TAFA1: variants seen among roughly 807,000 people sequenced by gnomAD.
TAFA1 encodes the protein chemokine-like protein TAFA-1.
Under a neutral mutation model 18.5 loss-of-function variants are expected in TAFA1, and 4 were observed. That is an observed-to-expected ratio of 0.22 (90% CI 0.11 to 0.49). The LOEUF is 0.49. TAFA1 is among the 20% of genes least tolerant of loss of function. TAFA1 has a pLI of 0.98. For synonymous variants in TAFA1, 56 were observed against 55.2 expected (o/e 1.01, Z -0.06); for missense variants, 147 against 169.0 (o/e 0.87, Z 0.72).
intron 2 of TAFA1, among the ~76,000 whole-genome samples, chr3:68,224,896 CTTTTTTTTTTTTTTTTTTT>C (rs71112624): frequency 2.2e-5 from 1 of 46,338 alleles, no homozygotes; most frequent in Admixed American, 3.6e-4. Context: ...GCTTGTGGCA[CTTTTTTTTTTTTTTTTTTT>C]TTTTTTTTTT....
intron 2 of TAFA1, among the ~76,000 whole-genome samples, chr3:68,022,074 CTATT>C (rs756569000): frequency 3.3e-5 from 5 of 152,074 alleles, no homozygotes; most frequent in East Asian, 1.9e-4. Context: ...TTTCATTAGT[CTATT>C]TATATTCAAT....
chr3:68,399,543 A>G (rs17047626), intron 2 of TAFA1, among the ~76,000 whole-genome samples: 6 of 152,000 alleles, frequency 3.9e-5, no homozygotes, highest in African/African-American at 9.7e-5. Flanking sequence ...CCCTTTCCCA[A>G]TTGCTCTCAG....
At chr3:68,159,467 T>G (rs1174608957) in intron 2 of TAFA1, among the ~76,000 whole-genome samples, 2 of 152,230 alleles carry the variant, frequency 1.3e-5, no homozygotes, top group African/African-American at 4.8e-5. Flanking sequence ...CTTTCTGTAA[T>G]TGAGTATCCC....
intron 2 of TAFA1, among the ~76,000 whole-genome samples, chr3:68,057,138 G>C (rs556149328): frequency 1.3e-5 from 2 of 152,300 alleles, no homozygotes; most frequent in South Asian, 4.1e-4. Flanking sequence ...TCCTGAACCT[G>C]AATCAATGTA....
chr3:68,001,355 G>C (rs946388215), upstream of TAFA1, among the ~76,000 whole-genome samples: 1 of 152,006 alleles, frequency 6.6e-6, no homozygotes, highest in Non-Finnish European at 1.5e-5. Context: ...CTACATGAAG[G>C]TTATCTTTTT....
intron 2 of TAFA1, among the ~76,000 whole-genome samples, chr3:68,162,222 C>A (rs1419757033): frequency 6.6e-6 from 1 of 152,082 alleles, no homozygotes; most frequent in Admixed American, 6.5e-5. Flanking sequence ...TGGTCTAGAC[C>A]AGTGGTACTC....
intron 2 of TAFA1, among the ~76,000 whole-genome samples, chr3:68,408,779 A>G (rs2070658983): frequency 6.6e-6 from 1 of 152,180 alleles, no homozygotes; most frequent in African/African-American, 2.4e-5. Context: ...CTAGACAACA[A>G]GCCCATAATT....
At chr3:68,174,149 G>A (rs1445563708) in intron 2 of TAFA1, among the ~76,000 whole-genome samples, 3 of 152,282 alleles carry the variant, frequency 2.0e-5, no homozygotes, top group African/African-American at 7.2e-5. Context: ...GTGCTTTATA[G>A]GCACATTATA....
chr3:68,221,221 A>G (rs955314446), intron 2 of TAFA1, among the ~76,000 whole-genome samples: 1 of 152,122 alleles, frequency 6.6e-6, no homozygotes, highest in African/African-American at 2.4e-5. Context: ...TGCTCATCTA[A>G]TTAACTTTTC....
At chr3:68,068,859 A>G (rs935932927) in intron 2 of TAFA1, among the ~76,000 whole-genome samples, 1 of 152,190 alleles carries the variant, frequency 6.6e-6, no homozygotes, top group Non-Finnish European at 1.5e-5. Flanking sequence ...GTATTATGTG[A>G]GAATTTGCGG....
intron 2 of TAFA1, among the ~76,000 whole-genome samples, chr3:68,238,329 A>AAG (rs2066955667): frequency 1.3e-5 from 2 of 152,198 alleles, no homozygotes; most frequent in Non-Finnish European, 2.9e-5. Flanking sequence ...GGGATTTCTC[A>AAG]GACCTTCTTA....
At chr3:68,145,443 G>C in intron 2 of TAFA1, 1 of 865,382 alleles carries the variant, frequency 1.2e-6, no homozygotes, top group East Asian at 2.4e-5. Context: ...GCTGTGAAAG[G>C]CTTATTAGAA....
intron 2 of TAFA1, among the ~76,000 whole-genome samples, chr3:68,033,376 T>G (rs756272017): frequency 1.3e-5 from 2 of 152,222 alleles, no homozygotes; most frequent in Non-Finnish European, 1.5e-5. Flanking sequence ...AAGTCATTTA[T>G]CTTTATATCC....
chr3:68,469,396 C>T (rs759549696), intron 3 of TAFA1, among the ~76,000 whole-genome samples: 9 of 152,160 alleles, frequency 5.9e-5, no homozygotes, highest in African/African-American at 9.6e-5. Flanking sequence ...CAGAGAGGGC[C>T]GGGCGCAGTG....
At chr3:68,370,470 GTGTATATATATATATA>G (rs1165169437) in intron 2 of TAFA1, among the ~76,000 whole-genome samples, 12 of 31,160 alleles carry the variant, frequency 3.9e-4, no homozygotes, top group South Asian at 3.4e-3. Flanking sequence ...GTGTGTGTGT[GTGTATATATATATATA>G]TATATATATA....
intron 2 of TAFA1, among the ~76,000 whole-genome samples, chr3:68,101,458 A>G (rs879861719): frequency 5.3e-5 from 8 of 152,096 alleles, no homozygotes; most frequent in Non-Finnish European, 7.4e-5. Context: ...GATAGACTGG[A>G]TTAAGAAAAT....
intron 3 of TAFA1, among the ~76,000 whole-genome samples, chr3:68,450,587 A>G (rs1014797392): frequency 2.6e-5 from 4 of 152,216 alleles, no homozygotes; most frequent in Non-Finnish European, 5.9e-5. Flanking sequence ...ACACCACTGC[A>G]CAAGAGTGAA....
At chr3:68,092,298 A>C (rs2106799203) in intron 2 of TAFA1, among the ~76,000 whole-genome samples, 1 of 152,248 alleles carries the variant, frequency 6.6e-6, no homozygotes, top group South Asian at 2.1e-4. Flanking sequence ...TTGGGATAAA[A>C]CCTGACAAAA....
chr3:68,356,136 G>A (rs373480746), intron 2 of TAFA1, among the ~76,000 whole-genome samples: 2 of 151,724 alleles, frequency 1.3e-5, no homozygotes, highest in Non-Finnish European at 2.9e-5. Flanking sequence ...GCTGAACACC[G>A]TCATTATAGA....
Sources: gnomAD v4.1 joint callset for allele counts (sites outside exome capture counted in the v4.1 genomes callset) on GRCh38, gnomAD v4.1.1 for gene constraint, MANE v1.5 for transcripts, NCBI Gene and HGNC (gene_info 2026-07-23, HGNC 2026-07-21) for gene names.